Variants in NCR1 observed in about 807,000 individuals in gnomAD.
NCR1 encodes the protein natural cytotoxicity triggering receptor 1, also known as NK cell-activating receptor.
A neutral mutation model predicts 32.5 loss-of-function variants in NCR1; 30 were observed. The observed-to-expected ratio is 0.92, with a 90% CI of 0.69 to 1.25. The LOEUF is 1.25. Ranked by LOEUF, NCR1 falls within the 50% of genes most tolerant of loss-of-function variation. The probability of loss-of-function intolerance (pLI) is 0.00; values close to 1 mark genes in which losing one functional copy is unlikely to be tolerated. For synonymous variants in NCR1, 169 were observed against 143.4 expected, an observed-to-expected ratio of 1.18 and a Z score of -1.28; for missense variants, 369 against 380.7, an observed-to-expected ratio of 0.97 and a Z score of 0.26.
upstream of NCR1, among the ~76,000 whole-genome samples, chr19:54,903,637 GTATA>G (rs1375367797): frequency 1.4e-5 from 2 of 145,440 alleles, no homozygotes; most frequent in Non-Finnish European, 3.0e-5. Flanking sequence ...GTACTATGCA[GTATA>G]TATACACATA....
the NCR1 span, among the ~76,000 whole-genome samples, chr19:54,923,266 T>C: frequency 6.6e-6 from 1 of 152,202 alleles, no homozygotes; most frequent in African/African-American, 2.4e-5. Context: ...ATGAACTATC[T>C]GGCCCGTTTG....
At chr19:54,909,893 C>A in intron 4 of NCR1, 125 bp from the exon 5 acceptor site, 3 of 803,046 alleles carry the variant, frequency 3.7e-6, no homozygotes, top group South Asian at 1.7e-5. Flanking sequence ...CGAGATCATA[C>A]CACCGCACTG....
downstream of NCR1, among the ~76,000 whole-genome samples, chr19:54,919,173 T>TC (rs1219194282): frequency 3.9e-5 from 6 of 152,030 alleles, no homozygotes; most frequent in Non-Finnish European, 8.8e-5. Context: ...GGTGGGTCTC[T>TC]CCCTGTGTGC....
downstream of NCR1, among the ~76,000 whole-genome samples, chr19:54,914,175 T>C (rs1229843831): frequency 1.4e-5 from 2 of 139,690 alleles, no homozygotes; most frequent in African/African-American, 2.9e-5. Context: ...TTTTTTTTTT[T>C]TTTCTTTTTT....
the NCR1 span, chr19:54,934,449 A>C: frequency 3.1e-6 from 5 of 1,607,642 alleles, no homozygotes; most frequent in African/African-American, 1.3e-5. The surrounding 1 kb of genome is among the most constrained non-coding windows in gnomAD (Gnocchi z 6.7). Context: ...CTATAGCCCC[A>C]GAACTAAACC....
At chr19:54,914,513 A>G (rs966474208), downstream of NCR1, among the ~76,000 whole-genome samples, 8 of 150,132 alleles carry the variant, frequency 5.3e-5, no homozygotes, top group African/African-American at 1.5e-4. Flanking sequence ...TAATTTTTGT[A>G]TTTTTAGTAG....
the NCR1 span, among the ~76,000 whole-genome samples, chr19:54,926,517 C>T: frequency 6.6e-6 from 1 of 152,132 alleles, no homozygotes; most frequent in Non-Finnish European, 1.5e-5. Flanking sequence ...CAGTGGCTCA[C>T]GCCTGTAATC....
At chr19:54,919,091 G>C (rs989483464), downstream of NCR1, among the ~76,000 whole-genome samples, 13 of 151,992 alleles carry the variant, frequency 8.6e-5, no homozygotes, top group African/African-American at 3.1e-4. Context: ...CCTTCTAATG[G>C]CTGAATAGTA....
At chr19:54,926,733 T>G in the NCR1 span, among the ~76,000 whole-genome samples, 5 of 151,566 alleles carry the variant, frequency 3.3e-5, no homozygotes, top group African/African-American at 1.2e-4. Flanking sequence ...CTGGCCAACA[T>G]GGCAAAACCC....
the NCR1 span, among the ~76,000 whole-genome samples, chr19:54,936,100 G>A: frequency 4.6e-5 from 7 of 152,078 alleles, no homozygotes; most frequent in Non-Finnish European, 1.0e-4. Context: ...ACAAGCTGGT[G>A]GGGGAAAGAG....
chr19:54,915,884 TATCTG>T (rs1229010924), downstream of NCR1: 1 of 151,150 alleles, frequency 6.6e-6, no homozygotes, highest in Non-Finnish European at 1.5e-5. Flanking sequence ...GTCTTTTCAG[TATCTG>T]CTTTACTGGT....
Position 54,906,280 on chromosome 19 carries a change from C to T in NCR1, c.35-19C>T. ...GGTGTGCCTGGGAGGCAACAGGTCT[C>T]ATTACTCCCGTCTTCCAGGGCTGTG... On this transcript the variant is annotated intron_variant, in intron 1 of 6. Transcript: ENST00000291890. 1.2e-6 allele frequency: 2 copies of T among 1,614,146 alleles called. No individual in the cohort carries two copies. Among genetic ancestry groups the T allele is most frequent in the Non-Finnish European group, 1.7e-6 (2 of 1,180,040 alleles).
In NCR1 at chr19:54,909,306, G is replaced by T. The variant is rs767656063; in HGVS notation, c.417G>T (p.Lys139Asn). Residue 139 changes from lysine (K) to asparagine (N), a missense_variant, in exon 4 of 7, where the codon AAG (lysine) becomes AAT (asparagine). Coordinates refer to ENST00000291890, the MANE Select transcript of NCR1 (RefSeq NM_004829.7). ...HPGPEVISGE[K>N]VTFYCRLDTA... is the part of the protein sequence containing the mutation. Reference sequence around the variant, plus strand: ...GACCCGAAGTGATCTCGGGAGAGAAGGTGACCTTCTACTGCCGTCTAGACA... The same window carrying T: ...GACCCGAAGTGATCTCGGGAGAGAATGTGACCTTCTACTGCCGTCTAGACA... 1 of 1,614,102 alleles carries T rather than the reference G, an allele frequency of 6.2e-7. No individual in the cohort carries two copies. Among genetic ancestry groups the T allele is most frequent in the South Asian group, 1.1e-5 (1 of 91,076 alleles).
chr19:54,932,823 T>C, the NCR1 span, among the ~76,000 whole-genome samples: 1 of 152,038 alleles, frequency 6.6e-6, no homozygotes. Context: ...GCCTGGTTAA[T>C]TTTTGTATTT....
At chr19:54,921,074 T>C, downstream of NCR1, among the ~76,000 whole-genome samples, 1 of 152,210 alleles carries the variant, frequency 6.6e-6, no homozygotes, top group African/African-American at 2.4e-5. Flanking sequence ...CAATTAAATA[T>C]GCAGCAGAGT....
chr19:54,912,966 A>C lies in NCR1; in HGVS notation c.*95A>C. On this transcript the variant is annotated 3_prime_UTR_variant, in exon 7 of 7. Coordinates refer to ENST00000291890, the MANE Select transcript of NCR1 (RefSeq NM_004829.7). ...TCTGTGTTGGACCCACGGAGGAGGGAGTCACTGCAGGGAAAGAGGGACACT... is the reference window on the plus strand; with the variant it reads ...TCTGTGTTGGACCCACGGAGGAGGGCGTCACTGCAGGGAAAGAGGGACACT... 8.2e-7 allele frequency: 1 copy of C among 1,222,378 alleles called. No individual in the cohort carries two copies. The highest frequency in any genetic ancestry group is 1.5e-5 in the South Asian group (1 of 66,770). 75.7% of individuals were successfully genotyped at this position (1,222,378 alleles called of 1,614,324 possible).
At chr19:54,904,981 A>C (rs980638442), upstream of NCR1, among the ~76,000 whole-genome samples, 1 of 152,076 alleles carries the variant, frequency 6.6e-6, no homozygotes, top group African/African-American at 2.4e-5. Flanking sequence ...TATCCAGTCC[A>C]CCTCTGATGG....
intron 3 of NCR1, among the ~76,000 whole-genome samples, chr19:54,907,217 G>A (rs1368477540): frequency 2.7e-5 from 4 of 150,592 alleles, no homozygotes; most frequent in African/African-American, 9.8e-5. Flanking sequence ...GTGCAGTGGT[G>A]CAATCTCCAG....
At chr19:54,916,016 A>C (rs1248712024), downstream of NCR1, 1 of 150,428 alleles carries the variant, frequency 6.6e-6, no homozygotes, top group Non-Finnish European at 1.5e-5. Flanking sequence ...ATTCCTAATA[A>C]GAAAAAAAAA....
Sources: allele counts gnomAD v4.1 joint callset (sites outside exome capture counted in the v4.1 genomes callset), GRCh38; gene constraint gnomAD v4.1.1; non-coding constraint Gnocchi (gnomAD v3.1); transcripts MANE v1.5; gene names NCBI Gene and HGNC (gene_info 2026-07-23, HGNC 2026-07-21).